SCFD2: variants seen among roughly 807,000 people sequenced by gnomAD.
SCFD2 encodes the protein sec1 family domain containing 2.
A neutral mutation model predicts 58.9 loss-of-function variants in SCFD2; 54 were observed. That is an observed-to-expected ratio of 0.92 (90% CI 0.74 to 1.15). The LOEUF (loss-of-function observed/expected upper bound fraction) is 1.15, where lower values mean the gene tolerates loss of function less well. SCFD2 is among the 50% of genes most tolerant of loss of function. The pLI, the probability that SCFD2 is intolerant of heterozygous loss-of-function variation, is 0.00. For synonymous variants in SCFD2, 321 were observed against 335.9 expected (o/e 0.96, Z 0.49); for missense variants, 805 against 836.6 (o/e 0.96, Z 0.47).
At chr4:53,329,111 C>T (rs540648329) in intron 2 of SCFD2, among the ~76,000 whole-genome samples, 526 of 152,340 alleles carry the variant, frequency 3.5e-3, no homozygotes, top group African/African-American at 0.012. Flanking sequence ...CAGAGTCTCA[C>T]TGATTGCTAG....
chr4:52,985,131 T>C (rs921732012), intron 5 of SCFD2, among the ~76,000 whole-genome samples: 13 of 152,210 alleles, frequency 8.5e-5, no homozygotes, highest in African/African-American at 3.1e-4. Context: ...CTCTTGGGGT[T>C]TTAAGGGTAT....
chr4:53,094,343 T>A (rs1724556924), intron 5 of SCFD2, among the ~76,000 whole-genome samples: 2 of 152,226 alleles, frequency 1.3e-5, no homozygotes, highest in Middle Eastern at 3.4e-3. Context: ...GATCAAGGTA[T>A]CAACAGGGTT....
intron 2 of SCFD2, among the ~76,000 whole-genome samples, chr4:53,330,345 G>C (rs1420271211): frequency 6.6e-6 from 1 of 151,898 alleles, no homozygotes; most frequent in Non-Finnish European, 1.5e-5. Flanking sequence ...CAGCCAGAGA[G>C]AAAGGTCGGG....
intron 5 of SCFD2, among the ~76,000 whole-genome samples, chr4:52,962,721 A>G (rs1366465202): frequency 6.6e-6 from 1 of 152,212 alleles, no homozygotes; most frequent in Non-Finnish European, 1.5e-5. Context: ...CAAAAGTTGT[A>G]ACTTCTTGCC....
chr4:53,349,352 C>T lies in SCFD2; in HGVS notation c.1007+3246G>A, dbSNP rs1273934256. Among the ~76,000 whole-genome samples the T allele has an allele frequency of 3.9e-5, 6 of 152,226 alleles. No homozygotes were observed. The East Asian group carries it at 9.6e-4, about 24-fold the overall frequency. On this transcript the variant is annotated intron_variant, in intron 2 of 8. Transcript: ENST00000401642. ...AAATATATTCTCCCATACAACATGACGTCCAAACATCGTGCATCAAGGAGC... is the reference window on the plus strand; with the variant it reads ...AAATATATTCTCCCATACAACATGATGTCCAAACATCGTGCATCAAGGAGC...
At chr4:53,267,557 T>C (rs1047475893) in intron 4 of SCFD2, among the ~76,000 whole-genome samples, 3 of 152,190 alleles carry the variant, frequency 2.0e-5, no homozygotes, top group Admixed American at 1.3e-4. Flanking sequence ...AATGTTTACT[T>C]CTTTTCCCCA....
intron 4 of SCFD2, among the ~76,000 whole-genome samples, chr4:53,262,446 G>C (rs1447981610): frequency 1.3e-5 from 2 of 152,134 alleles, no homozygotes; most frequent in African/African-American, 4.8e-5. Context: ...GTGCTGGCTT[G>C]CAGTGGTGAA....
intron 1 of SCFD2, among the ~76,000 whole-genome samples, chr4:53,360,536 G>A (rs1422036604): frequency 2.0e-5 from 3 of 152,016 alleles, no homozygotes; most frequent in Admixed American, 2.0e-4. Flanking sequence ...AAATACACTG[G>A]GCCCTGGCCA....
At chr4:53,194,052 A>G (rs1353424016) in intron 4 of SCFD2, among the ~76,000 whole-genome samples, 1 of 152,200 alleles carries the variant, frequency 6.6e-6, no homozygotes, top group Non-Finnish European at 1.5e-5. Flanking sequence ...GCTTCCTACT[A>G]TGATGGATTA....
chr4:53,329,446 C>T (rs538476362), intron 2 of SCFD2, among the ~76,000 whole-genome samples: 20 of 151,394 alleles, frequency 1.3e-4, no homozygotes, highest in African/African-American at 3.4e-4. Context: ...CCCTGACCCC[C>T]GAGCAGCCTA....
intron 2 of SCFD2, among the ~76,000 whole-genome samples, chr4:53,339,991 C>T (rs535411696): frequency 6.6e-6 from 1 of 152,166 alleles, no homozygotes; most frequent in Admixed American, 6.5e-5. Context: ...GAATTGGTTC[C>T]AAGATGACCG....
chr4:53,260,039 A>G (rs1287534107), intron 4 of SCFD2, among the ~76,000 whole-genome samples: 2 of 151,432 alleles, frequency 1.3e-5, no homozygotes, highest in Non-Finnish European at 2.9e-5. Flanking sequence ...GGTGTATAGC[A>G]AGGTATATAG....
At chr4:53,308,500 CTT>C (rs1159944198) in intron 3 of SCFD2, among the ~76,000 whole-genome samples, 4 of 152,128 alleles carry the variant, frequency 2.6e-5, no homozygotes, top group Non-Finnish European at 4.4e-5. Flanking sequence ...CTCTCTCTCT[CTT>C]TCTCTCTCTC....
intron 7 of SCFD2, among the ~76,000 whole-genome samples, chr4:52,906,739 T>G (rs1430988982): frequency 6.6e-6 from 1 of 152,246 alleles, no homozygotes; most frequent in Non-Finnish European, 1.5e-5. Context: ...GATTAATTCA[T>G]GATTTCAAAG....
chr4:53,035,130 T>C (rs562129597), intron 5 of SCFD2, among the ~76,000 whole-genome samples: 15 of 152,196 alleles, frequency 9.9e-5, no homozygotes, highest in Admixed American at 2.0e-4. Flanking sequence ...AACAGAGATA[T>C]AGACCAATGG....
chr4:53,222,785 AT>A (rs770799949), intron 4 of SCFD2, among the ~76,000 whole-genome samples: 6 of 152,192 alleles, frequency 3.9e-5, no homozygotes, highest in Non-Finnish European at 7.4e-5. Flanking sequence ...TGGTACCACA[AT>A]GTTTAAAGCC....
At chr4:53,248,949 G>C (rs1292199198) in intron 4 of SCFD2, among the ~76,000 whole-genome samples, 1 of 152,238 alleles carries the variant, frequency 6.6e-6, no homozygotes, top group Non-Finnish European at 1.5e-5. Context: ...AACAAAGCTG[G>C]ACGGAGAATG....
intron 5 of SCFD2, among the ~76,000 whole-genome samples, chr4:53,023,654 T>C (rs1722402477): frequency 6.6e-6 from 1 of 152,222 alleles, no homozygotes; most frequent in Non-Finnish European, 1.5e-5. Flanking sequence ...TGATTTTCTT[T>C]ATCATACCTT....
At chr4:52,915,686 A>T (rs1719586011) in intron 6 of SCFD2, among the ~76,000 whole-genome samples, 1 of 152,226 alleles carries the variant, frequency 6.6e-6, no homozygotes, top group Non-Finnish European at 1.5e-5. Flanking sequence ...GAGGAAGGTG[A>T]AGCCCAAACA....
Sources: gnomAD v4.1 joint callset for allele counts (sites outside exome capture counted in the v4.1 genomes callset) on GRCh38, gnomAD v4.1.1 for gene constraint, MANE v1.5 for transcripts, NCBI Gene and HGNC (gene_info 2026-07-23, HGNC 2026-07-21) for gene names.